CAMK1D: variants seen among roughly 807,000 people sequenced by gnomAD.
The protein encoded by CAMK1D is calcium/calmodulin dependent protein kinase ID.
CAMK1D carries 9 observed loss-of-function variants against 47.7 expected under a neutral mutation model. That is an observed-to-expected ratio of 0.19 (90% CI 0.11 to 0.33). The LOEUF (loss-of-function observed/expected upper bound fraction) is 0.33, where lower values mean the gene tolerates loss of function less well. CAMK1D is among the 10% of genes least tolerant of loss of function. The pLI is 1.00. For synonymous variants in CAMK1D, 184 were observed against 184.9 expected (o/e 0.99, Z 0.04); for missense variants, 291 against 488.7 (o/e 0.60, Z 3.81).
intron 3 of CAMK1D, among the ~76,000 whole-genome samples, chr10:12,670,917 G>A (rs985365536): frequency 6.6e-5 from 10 of 152,100 alleles, no homozygotes; most frequent in African/African-American, 1.9e-4. Context: ...GGACATTTTT[G>A]TCCCTCTAAA....
chr10:12,776,724 G>A (rs1480075563), intron 5 of CAMK1D, among the ~76,000 whole-genome samples: 3 of 152,188 alleles, frequency 2.0e-5, no homozygotes, highest in Non-Finnish European at 2.9e-5. Context: ...TCTCTGAAAG[G>A]CATATCACGG....
At chr10:12,632,830 G>C (rs1206578281) in intron 2 of CAMK1D, among the ~76,000 whole-genome samples, 10 of 152,100 alleles carry the variant, frequency 6.6e-5, no homozygotes, top group Non-Finnish European at 1.5e-4. Context: ...GAGTTGCTAG[G>C]ATTACAGGCA....
intron 3 of CAMK1D, among the ~76,000 whole-genome samples, chr10:12,683,114 T>C (rs1832511848): frequency 1.5e-5 from 2 of 134,880 alleles, no homozygotes; most frequent in South Asian, 4.7e-4. Context: ...TGAGATGGAG[T>C]CTCGCTTTGT....
intron 1 of CAMK1D, among the ~76,000 whole-genome samples, chr10:12,391,358 G>T (rs779409610): frequency 6.6e-6 from 1 of 152,130 alleles, no homozygotes; most frequent in Non-Finnish European, 1.5e-5. Context: ...GGTATGACAC[G>T]TGAAGAAAAT....
chr10:12,658,369 G>GGT (rs1840178421), intron 2 of CAMK1D, among the ~76,000 whole-genome samples: 1 of 151,920 alleles, frequency 6.6e-6, no homozygotes, highest in Admixed American at 6.6e-5. Flanking sequence ...GTAAAATGTT[G>GGT]GTGTGGGGCA....
intron 1 of CAMK1D, among the ~76,000 whole-genome samples, chr10:12,443,643 T>C (rs1484027849): frequency 6.6e-6 from 1 of 152,108 alleles, no homozygotes; most frequent in African/African-American, 2.4e-5. Flanking sequence ...TTTTTTTTTA[T>C]TTTTGAGACG....
intron 3 of CAMK1D, among the ~76,000 whole-genome samples, chr10:12,734,121 A>C (rs1835020954): frequency 6.6e-6 from 1 of 151,292 alleles, no homozygotes; most frequent in South Asian, 2.1e-4. Context: ...TGAGGTCAGG[A>C]GTTCGAGACC....
At chr10:12,502,550 C>T (rs1834737566) in intron 1 of CAMK1D, among the ~76,000 whole-genome samples, 1 of 152,234 alleles carries the variant, frequency 6.6e-6, no homozygotes, top group Admixed American at 6.5e-5. Flanking sequence ...CATCATTTAC[C>T]TCCACCATAC....
intron 2 of CAMK1D, among the ~76,000 whole-genome samples, chr10:12,579,383 T>C (rs1837594320): frequency 1.3e-5 from 2 of 152,206 alleles, no homozygotes; most frequent in Admixed American, 1.3e-4. Context: ...TCTCCACTTC[T>C]TCTCATCCAT....
chr10:12,523,759 GGGGAGAGGGAGA>G (rs958831565), intron 1 of CAMK1D, among the ~76,000 whole-genome samples: 2 of 152,070 alleles, frequency 1.3e-5, no homozygotes, highest in Admixed American at 1.3e-4. Flanking sequence ...GGGAGACCGT[GGGGAGAGGGAGA>G]GGGAGAGGGA....
chr10:12,611,008 G>A (rs1181101625), intron 2 of CAMK1D, among the ~76,000 whole-genome samples: 13 of 152,168 alleles, frequency 8.5e-5, no homozygotes, highest in Admixed American at 8.5e-4. Flanking sequence ...AGTACTTTAT[G>A]TATTCAACCA....
chr10:12,628,039 C>T (rs999356268), intron 2 of CAMK1D, among the ~76,000 whole-genome samples: 2 of 151,584 alleles, frequency 1.3e-5, no homozygotes, highest in African/African-American at 2.4e-5. Context: ...CAAGATTGTG[C>T]CACTGCACTC....
At chr10:12,536,470 G>A (rs1222343973) in intron 1 of CAMK1D, among the ~76,000 whole-genome samples, 1 of 152,064 alleles carries the variant, frequency 6.6e-6, no homozygotes, top group Non-Finnish European at 1.5e-5. Flanking sequence ...GTAGAGATGG[G>A]GTTTCTCCAT....
intron 6 of CAMK1D, among the ~76,000 whole-genome samples, chr10:12,812,670 C>T (rs897182559): frequency 2.6e-5 from 4 of 152,134 alleles, no homozygotes; most frequent in Non-Finnish European, 5.9e-5. Context: ...TCTGGGTTGT[C>T]GCAGCCCGAG....
At chr10:12,602,911 T>TTATTATTAG (rs1200968394) in intron 2 of CAMK1D, among the ~76,000 whole-genome samples, 3 of 147,180 alleles carry the variant, frequency 2.0e-5, no homozygotes, top group African/African-American at 7.4e-5. Context: ...ATTATTATTA[T>TTATTATTAG]TATTATTATT....
At chr10:12,359,105 G>C (rs1837590562) in intron 1 of CAMK1D, among the ~76,000 whole-genome samples, 1 of 152,180 alleles carries the variant, frequency 6.6e-6, no homozygotes, top group Non-Finnish European at 1.5e-5. Context: ...ACGGATATGG[G>C]TGGAAATCCT....
At chr10:12,366,270 G>A (rs1008290779) in intron 1 of CAMK1D, among the ~76,000 whole-genome samples, 3 of 152,112 alleles carry the variant, frequency 2.0e-5, no homozygotes, top group Non-Finnish European at 4.4e-5. Context: ...TTAAGTGATG[G>A]TACCCTAAGA....
chr10:12,556,438 G>T (rs1216601143), intron 2 of CAMK1D, among the ~76,000 whole-genome samples: 1 of 152,182 alleles, frequency 6.6e-6, no homozygotes, highest in Non-Finnish European at 1.5e-5. Context: ...GCATGGCCAG[G>T]GCCTCAAGGG....
intron 3 of CAMK1D, among the ~76,000 whole-genome samples, chr10:12,709,387 T>C (rs897554140): frequency 2.6e-5 from 4 of 152,098 alleles, no homozygotes; most frequent in African/African-American, 4.8e-5. Context: ...TCCCCACCTC[T>C]TTGCCATTGT....
Sources: gnomAD v4.1 joint callset for allele counts (sites outside exome capture counted in the v4.1 genomes callset) on GRCh38, gnomAD v4.1.1 for gene constraint, MANE v1.5 for transcripts, NCBI Gene and HGNC (gene_info 2026-07-23, HGNC 2026-07-21) for gene names.